Variants in UBE2E2 observed in about 807,000 individuals in gnomAD.
The protein encoded by UBE2E2 is ubiquitin-conjugating enzyme E2 E2.
In UBE2E2, 6 loss-of-function variants were observed where a neutral mutation model predicts 24.7. That is an observed-to-expected ratio of 0.24 (90% CI 0.13 to 0.48). UBE2E2 has a LOEUF of 0.48. Ranked by LOEUF, UBE2E2 falls within the 20% of genes least tolerant of loss-of-function variation. UBE2E2 has a pLI of 0.99. For missense variants in UBE2E2, 169 were observed against 245.0 expected, an observed-to-expected ratio of 0.69 and a Z score of 2.07; for synonymous variants, 104 against 83.6, an observed-to-expected ratio of 1.24 and a Z score of -1.33.
intron 3 of UBE2E2, among the ~76,000 whole-genome samples, 182 bp from the exon 4 acceptor site, chr3:23,499,426 A>G (rs1458442259): frequency 6.6e-6 from 1 of 152,224 alleles, no homozygotes; most frequent in South Asian, 2.1e-4. Flanking sequence ...ATGAAGTGAT[A>G]CCAACATATT....
At chr3:23,411,305 G>A (rs781555262) in intron 3 of UBE2E2, among the ~76,000 whole-genome samples, 2 of 152,274 alleles carry the variant, frequency 1.3e-5, no homozygotes, top group South Asian at 2.1e-4. Flanking sequence ...ATTGGACCCT[G>A]TAGGGGTCTA....
chr3:23,246,251 C>T (rs1354340477), intron 3 of UBE2E2, among the ~76,000 whole-genome samples: 14 of 104,176 alleles, frequency 1.3e-4, no homozygotes, highest in South Asian at 6.3e-4. Context: ...GATGGAGTCT[C>T]GCTCTGTCGC....
intron 4 of UBE2E2, among the ~76,000 whole-genome samples, chr3:23,509,511 G>T (rs572347589): frequency 6.6e-6 from 1 of 152,148 alleles, no homozygotes; most frequent in Admixed American, 6.5e-5. Flanking sequence ...TTCTGAGACT[G>T]CCTGCCAAAT....
At position 23,346,039 on chromosome 3, in the gene UBE2E2, T is replaced by C. The variant is rs77196070; in HGVS notation, c.227+128727T>C. ...TATAATCAGTTCTGTGTGATTCGTT[T>C]GTTGTTCTACTGGAATGCATTGTAT... On this transcript the variant is annotated intron_variant, in intron 3 of 5. Coordinates refer to ENST00000396703, the MANE Select transcript of UBE2E2 (RefSeq NM_152653.4). 5.9e-5 allele frequency among the ~76,000 whole-genome samples: 9 copies of C among 152,310 alleles called. No homozygotes were observed. The East Asian group carries it at 1.7e-3, about 29-fold the overall frequency.
intron 5 of UBE2E2, among the ~76,000 whole-genome samples, chr3:23,552,030 A>T (rs1351764613): frequency 6.6e-6 from 1 of 152,178 alleles, no homozygotes; most frequent in Non-Finnish European, 1.5e-5. Context: ...GAAGGCAGCC[A>T]TCTATAAGCC....
At chr3:23,560,821 T>A (rs375005948) in intron 5 of UBE2E2, among the ~76,000 whole-genome samples, 1 of 152,040 alleles carries the variant, frequency 6.6e-6, no homozygotes, top group East Asian at 1.9e-4. Flanking sequence ...TGGCCAGTGA[T>A]GATGAGCATT....
At chr3:23,383,373 T>C (rs760637510) in intron 3 of UBE2E2, among the ~76,000 whole-genome samples, 27 of 152,168 alleles carry the variant, frequency 1.8e-4, no homozygotes, top group Non-Finnish European at 3.7e-4. Context: ...ATTTGGAATC[T>C]AGCAAATGAT....
chr3:23,475,546 A>T (rs1699111235), intron 3 of UBE2E2, among the ~76,000 whole-genome samples: 1 of 152,034 alleles, frequency 6.6e-6, no homozygotes, highest in African/African-American at 2.4e-5. Context: ...TCTTTTTCAT[A>T]TGAAAATCTG....
chr3:23,585,868 C>T (rs1368842357), intron 5 of UBE2E2, among the ~76,000 whole-genome samples: 18 of 130,656 alleles, frequency 1.4e-4, no homozygotes, highest in African/African-American at 5.6e-4. Flanking sequence ...GTGAAACTGT[C>T]TCAACAAAAA....
At chr3:23,410,645 CT>C (rs1455386776) in intron 3 of UBE2E2, among the ~76,000 whole-genome samples, 3 of 152,070 alleles carry the variant, frequency 2.0e-5, no homozygotes, top group Non-Finnish European at 4.4e-5. Context: ...ATTATCTGCC[CT>C]TAAAAGATGG....
intron 3 of UBE2E2, among the ~76,000 whole-genome samples, chr3:23,340,746 G>A (rs1575571720): frequency 6.6e-6 from 1 of 152,158 alleles, no homozygotes; most frequent in Non-Finnish European, 1.5e-5. Flanking sequence ...TGAATGCTGG[G>A]AGCAATAGGT....
At chr3:23,268,753 T>C (rs981971726) in intron 3 of UBE2E2, among the ~76,000 whole-genome samples, 2 of 149,006 alleles carry the variant, frequency 1.3e-5, no homozygotes, top group African/African-American at 5.0e-5. Flanking sequence ...AAGTCAATCC[T>C]AAGCCAAAAG....
intron 5 of UBE2E2, 74 bp downstream of exon 5, chr3:23,532,775 C>A: frequency 7.7e-7 from 1 of 1,296,218 alleles, no homozygotes; most frequent in Non-Finnish European, 1.0e-6. Flanking sequence ...AACTTGTTTA[C>A]TACTGCTACT....
intron 3 of UBE2E2, among the ~76,000 whole-genome samples, chr3:23,356,508 T>C (rs1423189343): frequency 6.6e-6 from 1 of 152,212 alleles, no homozygotes; most frequent in Non-Finnish European, 1.5e-5. Flanking sequence ...CACCTTCATA[T>C]GTTTCCTGAA....
chr3:23,453,559 A>T (rs142545026), intron 3 of UBE2E2, among the ~76,000 whole-genome samples: 1 of 152,186 alleles, frequency 6.6e-6, no homozygotes, highest in Non-Finnish European at 1.5e-5. Context: ...TTTGAAGACT[A>T]GAACTGAGGT....
intron 3 of UBE2E2, among the ~76,000 whole-genome samples, chr3:23,443,798 G>A (rs1319104303): frequency 6.6e-6 from 1 of 152,104 alleles, no homozygotes; most frequent in Non-Finnish European, 1.5e-5. Flanking sequence ...ATCCATTCAG[G>A]CTCTACATTA....
chr3:23,543,547 T>TA (rs34425323), intron 5 of UBE2E2, among the ~76,000 whole-genome samples: 5,334 of 137,256 alleles, frequency 0.039, 294 homozygotes, highest in African/African-American at 0.14. Context: ...AAAACACTGC[T>TA]AAAAAAAAAA....
chr3:23,273,717 T>C (rs1399757814), intron 3 of UBE2E2: 2 of 152,278 alleles, frequency 1.3e-5, no homozygotes, highest in African/African-American at 4.8e-5. Context: ...TAAGAACTTG[T>C]AAATTGCTGA....
At chr3:23,311,661 A>G (rs1694396631) in intron 3 of UBE2E2, among the ~76,000 whole-genome samples, 1 of 152,206 alleles carries the variant, frequency 6.6e-6, no homozygotes, top group South Asian at 2.1e-4. Flanking sequence ...CTAACATGTT[A>G]TACCTTTGGA....
Sources: gnomAD v4.1 joint callset for allele counts (sites outside exome capture counted in the v4.1 genomes callset) on GRCh38, gnomAD v4.1.1 for gene constraint, MANE v1.5 for transcripts, NCBI Gene and HGNC (gene_info 2026-07-23, HGNC 2026-07-21) for gene names.